Variants in PPP1R12B observed in about 807,000 individuals in gnomAD.
PPP1R12B encodes the protein myosin phosphatase target subunit 2.
PPP1R12B carries 76 observed loss-of-function variants against 126.1 expected under a neutral mutation model. The ratio of observed to expected loss-of-function variants is 0.60; its 90% CI spans 0.50 to 0.73. The LOEUF is 0.73. Ranked by LOEUF, PPP1R12B falls within the 30% of genes least tolerant of loss-of-function variation. The pLI is 0.00. For synonymous variants in PPP1R12B, 356 were observed against 434.7 expected (o/e 0.82, Z 2.25); for missense variants, 1,052 against 1,205.1 (o/e 0.87, Z 1.88).
rs1052792752 is a variant in PPP1R12B, at chr1:202,426,932, C to T, written c.702-108C>T. ...TAGAGGGCAGAAGTAATCATAAGAC[C>T]CCTGTGGTTCAGGGCCAAAATCTGA... is the stretch of plus-strand genomic sequence containing the variant. On this transcript the variant is annotated intron_variant, in intron 4 of 23. Coordinates refer to ENST00000608999, the MANE Select transcript of PPP1R12B (RefSeq NM_002481.4). The T allele has an allele frequency of 3.5e-6, 5 of 1,445,400 alleles. No homozygotes were observed. In the African/African-American group the frequency reaches 4.3e-5, roughly 12 times the overall value. 89.5% of individuals were successfully genotyped at this position (1,445,400 alleles called of 1,614,324 possible). A position where few individuals can be genotyped will look rare whatever the true frequency, so the allele number is the denominator to read the frequency against.
chr1:202,459,621 A>G (rs1674062814), intron 13 of PPP1R12B, among the ~76,000 whole-genome samples: 1 of 152,192 alleles, frequency 6.6e-6, no homozygotes, highest in African/African-American at 2.4e-5. Context: ...TATTTTACAA[A>G]TGGGAATGCT....
intron 1 of PPP1R12B, among the ~76,000 whole-genome samples, chr1:202,386,715 A>G (rs913446494): frequency 6.6e-6 from 1 of 152,106 alleles, no homozygotes; most frequent in African/African-American, 2.4e-5. Context: ...GTACTATTGT[A>G]TTTAACACTT....
intron 13 of PPP1R12B, among the ~76,000 whole-genome samples, chr1:202,459,548 A>G (rs1199249312): frequency 6.6e-6 from 1 of 152,164 alleles, no homozygotes; most frequent in Non-Finnish European, 1.5e-5. Flanking sequence ...CCCCCTGAAA[A>G]GCTCAAGTGT....
At chr1:202,517,862 G>T (rs1682341433) in intron 18 of PPP1R12B, among the ~76,000 whole-genome samples, 1 of 152,150 alleles carries the variant, frequency 6.6e-6, no homozygotes, top group South Asian at 2.1e-4. Flanking sequence ...CTGACCTCAG[G>T]TGATCTGCCT....
rs1689639389 is a variant in PPP1R12B, at chr1:202,583,065, G to A, written c.*2505G>A. 1 of 152,130 alleles carries A rather than the reference G, an allele frequency of 6.6e-6. No individual in the cohort carries two copies. Among genetic ancestry groups the A allele is most frequent in the Admixed American group, 6.5e-5 (1 of 15,272 alleles). 9.4% of individuals were successfully genotyped at this position (152,130 alleles called of 1,614,324 possible). The stretch of plus-strand genomic sequence containing the variant: ...TTATCATGGGAGTACTGTAAGTTCA[G>A]TTCTCAGGGAATGCTAAATTAGAGT... On this transcript the variant is annotated 3_prime_UTR_variant, in exon 24 of 24. Transcript: ENST00000608999.
chr1:202,439,204 C>T, intron 10 of PPP1R12B: 3 of 1,462,832 alleles, frequency 2.1e-6, no homozygotes, highest in Non-Finnish European at 2.9e-6. Flanking sequence ...ACTGCGCAGC[C>T]CTGTGCTCCT....
At chr1:202,452,061 C>T (rs1673034010) in intron 13 of PPP1R12B, among the ~76,000 whole-genome samples, 1 of 151,330 alleles carries the variant, frequency 6.6e-6, no homozygotes, top group Non-Finnish European at 1.5e-5. Context: ...TCCTCACATC[C>T]CAGACGGGGC....
chr1:202,557,920 C>T (rs1687123576), intron 18 of PPP1R12B, among the ~76,000 whole-genome samples: 1 of 152,154 alleles, frequency 6.6e-6, no homozygotes, highest in South Asian at 2.1e-4. Flanking sequence ...TGTTGTTTGA[C>T]AAACCAGTGG....
rs1668460422 is a variant in PPP1R12B, at chr1:202,419,180, A to C, written c.422+2263A>C. Reference sequence around the variant, plus strand: ...TGGGTGTTTTTACATTTTTTTTATGAATAAATGTTTCACTTAGAAGCAGCA... The same window carrying C: ...TGGGTGTTTTTACATTTTTTTTATGCATAAATGTTTCACTTAGAAGCAGCA... On this transcript the variant is annotated intron_variant, in intron 2 of 23. Coordinates refer to ENST00000608999, the MANE Select transcript of PPP1R12B (RefSeq NM_002481.4). This position sits in a 1 kb window ranked among gnomAD's most constrained non-coding sequence, Gnocchi z 4.6. Among the ~76,000 whole-genome samples, 1 of 152,176 alleles carries C rather than the reference A, an allele frequency of 6.6e-6. No homozygotes were observed. The highest frequency in any genetic ancestry group is 2.1e-4 in the South Asian group (1 of 4,830).
intron 15 of PPP1R12B, among the ~76,000 whole-genome samples, chr1:202,494,891 T>C (rs1382241334): frequency 6.6e-6 from 1 of 152,190 alleles, no homozygotes; most frequent in Non-Finnish European, 1.5e-5. Context: ...TGCTTCTTCA[T>C]GCTCCTGATC....
chr1:202,509,510 G>GGTTA (rs1681193036), intron 18 of PPP1R12B, among the ~76,000 whole-genome samples: 1 of 152,132 alleles, frequency 6.6e-6, no homozygotes, highest in South Asian at 2.1e-4. Flanking sequence ...CAGTCTTTGA[G>GGTTA]GTTAGCTAAG....
At chr1:202,578,998 A>G (rs1478110623) in intron 23 of PPP1R12B, among the ~76,000 whole-genome samples, 3 of 152,220 alleles carry the variant, frequency 2.0e-5, no homozygotes, top group African/African-American at 4.8e-5. Flanking sequence ...GCCTTGAACT[A>G]GTTATGGCAC....
rs769778546 is a variant in PPP1R12B, at chr1:202,567,807, A to G, written c.2787A>G (p.Ser929=). The G allele has an allele frequency of 6.2e-7, 1 of 1,614,068 alleles. No individual in the cohort carries two copies. Among genetic ancestry groups the G allele is most frequent in the South Asian group, 1.1e-5 (1 of 91,072 alleles). The change falls in exon 22 of 24, where the codon TCA becomes TCG. Residue 929 remains serine, a synonymous_variant. Transcript: ENST00000608999. The part of the protein sequence containing the change: ...QQKQEKTSDR[S]SVLEMEKRER... ...AACAAGAAAAGACCTCTGACCGATC[A>G]TCAGTGCTGGAGATGGAGAAACGGG...
chr1:202,444,988 T>C (rs1558236597), intron 12 of PPP1R12B: 1 of 1,229,034 alleles, frequency 8.1e-7, no homozygotes, highest in Admixed American at 4.2e-5. Flanking sequence ...AAGGTGGTGC[T>C]GGGAAATGGT....
chr1:202,519,317 T>C (rs1202860159), intron 18 of PPP1R12B, among the ~76,000 whole-genome samples: 2 of 152,046 alleles, frequency 1.3e-5, no homozygotes, highest in Admixed American at 6.6e-5. Flanking sequence ...CGGGCTGGAG[T>C]GCAGTTGTGT....
At chr1:202,360,059 T>C (rs1657886912) in intron 1 of PPP1R12B, among the ~76,000 whole-genome samples, 1 of 152,216 alleles carries the variant, frequency 6.6e-6, no homozygotes, top group African/African-American at 2.4e-5. Flanking sequence ...GTTTGTACTT[T>C]AGAGTTTCTC....
At chr1:202,511,771 A>ATTTTTTT (rs772556181) in intron 18 of PPP1R12B, among the ~76,000 whole-genome samples, 1 of 107,860 alleles carries the variant, frequency 9.3e-6, no homozygotes, top group Non-Finnish European at 1.9e-5. Context: ...ATATACCACA[A>ATTTTTTT]TTTTTTTTTT....
chr1:202,363,967 C>G (rs1658688939), intron 1 of PPP1R12B, among the ~76,000 whole-genome samples: 2 of 152,100 alleles, frequency 1.3e-5, no homozygotes, highest in Admixed American at 1.3e-4. Flanking sequence ...ACCATATTGG[C>G]CAGGCTGGTC....
At chr1:202,463,409 T>C (rs1330090445) in intron 13 of PPP1R12B, among the ~76,000 whole-genome samples, 1 of 152,200 alleles carries the variant, frequency 6.6e-6, no homozygotes, top group Admixed American at 6.5e-5. Flanking sequence ...ATTCTTAAGT[T>C]GGATAGTAAG....
Sources: allele counts gnomAD v4.1 joint callset (sites outside exome capture counted in the v4.1 genomes callset), GRCh38; gene constraint gnomAD v4.1.1; non-coding constraint Gnocchi (gnomAD v3.1); transcripts MANE v1.5; gene names NCBI Gene and HGNC (gene_info 2026-07-23, HGNC 2026-07-21).